The following PHACTR1 variants were observed in gnomAD, a reference collection of about 807,000 sequenced individuals.
The protein encoded by PHACTR1 is phosphatase and actin regulator 1.
PHACTR1 carries 16 observed loss-of-function variants against 69.2 expected under a neutral mutation model. The observed-to-expected ratio is 0.23, with a 90% CI of 0.16 to 0.35. The LOEUF is 0.35. PHACTR1 is among the 10% of genes least tolerant of loss of function. The pLI is 1.00. For synonymous variants in PHACTR1, 312 were observed against 284.5 expected, an observed-to-expected ratio of 1.10 and a Z score of -0.97; for missense variants, 510 against 734.7, an observed-to-expected ratio of 0.69 and a Z score of 3.54.
chr6:13,087,618 C>T (rs190820381), intron 5 of PHACTR1, among the ~76,000 whole-genome samples: 30 of 150,692 alleles, frequency 2.0e-4, no homozygotes, highest in African/African-American at 7.3e-4. Flanking sequence ...AAGAAAGAAA[C>T]AATATTAGGA....
At chr6:12,771,285 T>C (rs1769348880) in intron 4 of PHACTR1, among the ~76,000 whole-genome samples, 1 of 152,048 alleles carries the variant, frequency 6.6e-6, no homozygotes, top group African/African-American at 2.4e-5. Flanking sequence ...CCATGAAGGA[T>C]TAAGGAGAGG....
intron 6 of PHACTR1, among the ~76,000 whole-genome samples, chr6:13,162,948 T>C (rs1759256548): frequency 6.6e-6 from 1 of 152,054 alleles, no homozygotes; most frequent in African/African-American, 2.4e-5. Context: ...GGACCTGCAC[T>C]CAGTAAGTGG....
chr6:12,893,391 A>G (rs1003472941), intron 4 of PHACTR1, among the ~76,000 whole-genome samples: 3 of 152,248 alleles, frequency 2.0e-5, no homozygotes, highest in Admixed American at 2.0e-4. Flanking sequence ...ATAAGCCTTC[A>G]TCCATCAACA....
chr6:12,897,234 C>G (rs1784754242), intron 4 of PHACTR1, among the ~76,000 whole-genome samples: 1 of 152,182 alleles, frequency 6.6e-6, no homozygotes, highest in African/African-American at 2.4e-5. Context: ...CTTATTTTCA[C>G]TTCATCTCCA....
intron 5 of PHACTR1, among the ~76,000 whole-genome samples, chr6:13,075,465 G>T (rs1297538716): frequency 1.3e-5 from 2 of 152,126 alleles, no homozygotes; most frequent in Non-Finnish European, 2.9e-5. Context: ...ACTGTTGCTT[G>T]TTACTGACTT....
chr6:13,271,458 A>G (rs1395897266), intron 10 of PHACTR1, among the ~76,000 whole-genome samples: 1 of 145,768 alleles, frequency 6.9e-6, no homozygotes, highest in African/African-American at 2.8e-5. Flanking sequence ...CCAGCACAAT[A>G]AACAAAAACA....
intron 4 of PHACTR1, among the ~76,000 whole-genome samples, chr6:12,837,167 C>T (rs1778251899): frequency 6.6e-6 from 1 of 152,116 alleles, no homozygotes; most frequent in East Asian, 1.9e-4. Flanking sequence ...ATAATAGTGT[C>T]TTTGCAGATT....
At chr6:13,274,408 T>A in intron 11 of PHACTR1, 1 of 152,192 alleles carries the variant, frequency 6.6e-6, no homozygotes, top group East Asian at 1.9e-4. Flanking sequence ...ATTTGGCTTG[T>A]AGGATGTCTT....
At chr6:13,004,219 A>G (rs1798504785) in intron 4 of PHACTR1, among the ~76,000 whole-genome samples, 1 of 151,826 alleles carries the variant, frequency 6.6e-6, no homozygotes, top group African/African-American at 2.4e-5. Flanking sequence ...AGGTTGTATT[A>G]ATTTACATTC....
At chr6:12,771,094 A>G (rs997067413) in intron 4 of PHACTR1, among the ~76,000 whole-genome samples, 6 of 152,204 alleles carry the variant, frequency 3.9e-5, no homozygotes, top group Admixed American at 3.9e-4. Context: ...GCTCATGATA[A>G]CAACATGAGA....
At chr6:12,872,186 A>T (rs1782096336) in intron 4 of PHACTR1, among the ~76,000 whole-genome samples, 1 of 152,200 alleles carries the variant, frequency 6.6e-6, no homozygotes, top group African/African-American at 2.4e-5. Flanking sequence ...TTGTGGCTAC[A>T]TTAAAAGAAG....
At chr6:12,957,849 G>A (rs898236711) in intron 4 of PHACTR1, 3 of 985,420 alleles carry the variant, frequency 3.0e-6, no homozygotes, top group Admixed American at 6.1e-5. Flanking sequence ...TGGCACGGCC[G>A]GGAAGGAAGG....
chr6:12,967,798 A>G (rs1213297960), intron 4 of PHACTR1, among the ~76,000 whole-genome samples: 3 of 152,254 alleles, frequency 2.0e-5, no homozygotes, highest in Admixed American at 6.5e-5. Flanking sequence ...GCCAAACCCA[A>G]GGGAAATTCA....
intron 4 of PHACTR1, among the ~76,000 whole-genome samples, chr6:13,051,094 C>A (rs890734909): frequency 6.6e-6 from 1 of 152,112 alleles, no homozygotes; most frequent in South Asian, 2.1e-4. Flanking sequence ...ATCCTGATCA[C>A]GTACCTTCTC....
chr6:12,985,053 T>C (rs1795969697), intron 4 of PHACTR1, among the ~76,000 whole-genome samples: 1 of 152,264 alleles, frequency 6.6e-6, no homozygotes, highest in African/African-American at 2.4e-5. Context: ...AATATTCCAC[T>C]AGTATATATA....
intron 5 of PHACTR1, among the ~76,000 whole-genome samples, chr6:13,065,920 G>T (rs1267626107): frequency 6.6e-6 from 1 of 151,138 alleles, no homozygotes; most frequent in African/African-American, 2.4e-5. Context: ...TATTCCCTTT[G>T]GGTGAATGAT....
At chr6:13,089,933 A>G (rs1812950287) in intron 5 of PHACTR1, among the ~76,000 whole-genome samples, 1 of 152,206 alleles carries the variant, frequency 6.6e-6, no homozygotes, top group South Asian at 2.1e-4. Flanking sequence ...CCTGAAATGA[A>G]TAGGGAATGT....
At chr6:13,104,762 C>G (rs1252291994) in intron 5 of PHACTR1, among the ~76,000 whole-genome samples, 1 of 152,118 alleles carries the variant, frequency 6.6e-6, no homozygotes, top group African/African-American at 2.4e-5. Context: ...TAAATATTCT[C>G]CCTAAGAAGG....
chr6:12,964,376 G>A (rs1307892868), intron 4 of PHACTR1, among the ~76,000 whole-genome samples: 1 of 152,156 alleles, frequency 6.6e-6, no homozygotes, highest in Admixed American at 6.5e-5. Context: ...GCTAGAAAAG[G>A]CTTTAGAGAT....
Sources: allele counts gnomAD v4.1 joint callset (sites outside exome capture counted in the v4.1 genomes callset), GRCh38; gene constraint gnomAD v4.1.1; transcripts MANE v1.5; gene names NCBI Gene and HGNC (gene_info 2026-07-23, HGNC 2026-07-21).